The following SYNE4 variants were observed in gnomAD, a reference collection of about 807,000 sequenced individuals.
The protein encoded by SYNE4 is spectrin repeat containing nuclear envelope family member 4.
In SYNE4, 41 loss-of-function variants were observed where a neutral mutation model predicts 46.9. The ratio of observed to expected loss-of-function variants is 0.87; its 90% confidence interval spans 0.68 to 1.13. The LOEUF (loss-of-function observed/expected upper bound fraction) is 1.13. Ranked by LOEUF, SYNE4 falls within the 50% of genes most tolerant of loss-of-function variation. The pLI, the probability that SYNE4 is intolerant of heterozygous loss-of-function variation, is 0.00. For synonymous variants in SYNE4, 221 were observed against 219.5 expected (o/e 1.01, Z -0.06); for missense variants, 492 against 514.8 (o/e 0.96, Z 0.43).
intron 6 of SYNE4, among the ~76,000 whole-genome samples, chr19:36,004,783 C>G (rs1353842669): frequency 6.6e-6 from 1 of 151,796 alleles, no homozygotes; most frequent in Non-Finnish European, 1.5e-5. Flanking sequence ...ACTGGAGCAC[C>G]CATTTTGCTA....
At chr19:36,004,303 G>A (rs1233055893) in intron 6 of SYNE4, among the ~76,000 whole-genome samples, 1 of 152,204 alleles carries the variant, frequency 6.6e-6, no homozygotes, top group Non-Finnish European at 1.5e-5. Flanking sequence ...GATCACAGGC[G>A]TGAACCACGG....
chr19:36,008,283 G>T lies in SYNE4; in HGVS notation c.213C>A (p.Ala71=). The T allele has an allele frequency of 6.3e-7, 1 of 1,599,970 alleles. No individual in the cohort carries two copies. The highest frequency in any genetic ancestry group is 8.5e-7 in the Non-Finnish European group (1 of 1,172,716). ...GTGTTGACCATCTCGGGGGGTGAGC[G>T]GCAGGCTCATTGCCCCTTGGCCCAC... ...FQGGPRGNEP[A]AHPPRWSTPS... is the part of the protein sequence containing the mutation. Residue 71 remains alanine (A), a synonymous_variant, in exon 2 of 8, where the codon GCC becomes GCA. Coordinates refer to ENST00000324444, the MANE Select transcript of SYNE4 (RefSeq NM_001039876.3).
intron 2 of SYNE4, 51 bp from the exon 3 acceptor site, chr19:36,007,319 C>A: frequency 6.6e-7 from 1 of 1,514,656 alleles, no homozygotes; most frequent in Middle Eastern, 1.8e-4. Flanking sequence ...CAAGATATCA[C>A]CCCTGCTCCC....
chr19:36,008,337 G>T lies in SYNE4; in HGVS notation c.159C>A (p.Asp53Glu). 1 of 1,566,366 alleles carries T rather than the reference G, an allele frequency of 6.4e-7. No homozygotes were observed. Among genetic ancestry groups the T allele is most frequent in the Non-Finnish European group, 8.7e-7 (1 of 1,153,876 alleles). The change falls in exon 2 of 8, where the codon GAC becomes GAA. Residue 53 changes from aspartate to glutamate, a missense_variant. Physicochemically the swap from Asp to Glu is conservative, Grantham distance 45. Coordinates refer to ENST00000324444, the MANE Select transcript of SYNE4 (RefSeq NM_001039876.3). Reference protein sequence around the residue: ...SPEQAQTLGQDSLGPPEHFQG... With the variant: ...SPEQAQTLGQESLGPPEHFQG... ...GGAAGTGCTCAGGAGGGCCCAAGGA[G>T]TCCTGTCCCAGGGTCTGGGCCTGCT... is the stretch of plus-strand genomic sequence containing the variant.
chr19:36,005,075 C>T (rs568032961), intron 6 of SYNE4, among the ~76,000 whole-genome samples: 86 of 151,814 alleles, frequency 5.7e-4, no homozygotes, highest in African/African-American at 2.0e-3. Context: ...ACCATTTTGG[C>T]CAGGCTGGTC....
chr19:36,007,777 A>G (rs2145357675), intron 2 of SYNE4, among the ~76,000 whole-genome samples: 1 of 151,926 alleles, frequency 6.6e-6, no homozygotes, highest in East Asian at 1.9e-4. Context: ...TAATCCCAGC[A>G]CTTCGGGAGG....
Position 36,008,275 on chromosome 19 carries a change from G to A in SYNE4, c.221C>T (p.Pro74Leu). The A allele has an allele frequency of 6.2e-7, 1 of 1,604,346 alleles. No individual in the cohort carries two copies. The highest frequency in any genetic ancestry group is 1.1e-5 in the South Asian group (1 of 89,680). ...GGAAGAGGGTGTTGACCATCTCGGG[G>A]GGTGAGCGGCAGGCTCATTGCCCCT... is the stretch of plus-strand genomic sequence containing the variant. ...GPRGNEPAAH[P>L]PRWSTPSSYE... The change falls in exon 2 of 8, where the codon CCC (proline) becomes CTC (leucine). Residue 74 changes from proline (P) to leucine (L), a missense_variant. By Grantham distance (98) the Pro-to-Leu change is moderately conservative. Coordinates refer to ENST00000324444, the MANE Select transcript of SYNE4 (RefSeq NM_001039876.3).
Position 36,008,691 on chromosome 19 carries a change from C to A in SYNE4, c.-10G>T. On this transcript the variant is annotated 5_prime_UTR_variant, in exon 1 of 8. Coordinates refer to ENST00000324444, the MANE Select transcript of SYNE4 (RefSeq NM_001039876.3). ...GCAGGGACAGGGCCATGGCTGGGGGCCTGGGGACACAAAGTCAGGTGAGGG... is the reference window on the plus strand; with the variant it reads ...GCAGGGACAGGGCCATGGCTGGGGGACTGGGGACACAAAGTCAGGTGAGGG... 1 of 1,603,414 alleles carries A rather than the reference C, an allele frequency of 6.2e-7. No individual in the cohort carries two copies. Among genetic ancestry groups the A allele is most frequent in the Admixed American group, 1.7e-5 (1 of 57,796 alleles).
In SYNE4 at chr19:36,007,195, C is replaced by G. The variant is rs747777598; in HGVS notation, c.353G>C (p.Arg118Pro). The change falls in exon 3 of 8, where the codon CGC (arginine) becomes CCC (proline). Residue 118 changes from arginine (R) to proline (P), a missense_variant. Transcript: ENST00000324444. ...GCCTTGCTCCAGGTCCTGCAGCCGG[C>G]GGCCCAGCCCCAGCAGGCACAGGTG... ...SLHLCLLGLG[R>P]RLQDLEQGLG... 1 of 1,584,490 alleles carries G rather than the reference C, an allele frequency of 6.3e-7. No individual in the cohort carries two copies. Among genetic ancestry groups the G allele is most frequent in the Non-Finnish European group, 8.6e-7 (1 of 1,165,782 alleles).
At chr19:36,008,427 C>T in intron 1 of SYNE4, 60 bp from the exon 2 acceptor site, 1 of 1,572,168 alleles carries the variant, frequency 6.4e-7, no homozygotes, top group Non-Finnish European at 8.6e-7. Context: ...AGCCTACCGT[C>T]ACCCCAACCC....
Position 36,006,931 on chromosome 19 carries a change from T to A in SYNE4, c.437A>T (p.Asp146Val). The A allele has an allele frequency of 6.5e-7, 1 of 1,549,046 alleles. No homozygotes were observed. The highest frequency in any genetic ancestry group is 8.7e-7 in the Non-Finnish European group (1 of 1,146,354). Residue 146 changes from aspartate to valine, a missense_variant, in exon 4 of 8, where the codon GAC (aspartate) becomes GTC (valine). By Grantham distance (152) the Asp-to-Val change is radical. Transcript: ENST00000324444. ...CACACGCTCAGCTGCCCCTCGTAGG[T>A]CCACCTGGAGGGCCTGGGGACATAT... ...GMVQLQALQV[D>V]LRGAAERVEA...
Position 36,003,440 on chromosome 19 carries a change from A to G in SYNE4, c.1112T>C (p.Met371Thr), listed in dbSNP as rs1976741161. ...GCCTCCTGACGCGGGCAGGAGAAAC[A>G]TGGCACCCACCAGGAGGAGGAAGAG... ...FLLFLLLVGA[M>T]FLLPASGGPC... Residue 371 changes from methionine to threonine, a missense_variant, in exon 8 of 8, where the codon ATG becomes ACG. Met to Thr is a moderately conservative substitution (Grantham distance 81). Coordinates refer to ENST00000324444, the MANE Select transcript of SYNE4 (RefSeq NM_001039876.3). 10 of 1,613,646 alleles carry G rather than the reference A, an allele frequency of 6.2e-6. No homozygotes were observed. Among genetic ancestry groups the G allele is most frequent in the Middle Eastern group, 3.3e-4 (2 of 6,062 alleles).
chr19:36,003,810 C>T, intron 6 of SYNE4, 139 bp from the exon 7 acceptor site: 1 of 1,292,782 alleles, frequency 7.7e-7, no homozygotes. Context: ...ACCTCAGCCT[C>T]CCGGGTTCAA....
At position 36,004,866 on chromosome 19, in the gene SYNE4, CTTTTTT is replaced by C. The variant is rs59700541; in HGVS notation, c.972+461_972+466del. ...GAGCCCTGATGTTATTTCTTTCTTT[CTTTTTT>C]TTTTTTTTTTTTTTTTTTTTGTTGA... On this transcript the variant is annotated intron_variant, in intron 6 of 7. Coordinates refer to ENST00000324444, the MANE Select transcript of SYNE4 (RefSeq NM_001039876.3). Among the ~76,000 whole-genome samples the C allele has an allele frequency of 5.5e-3, 491 of 89,892 alleles. 1 individual carries two copies. Among genetic ancestry groups the C allele is most frequent in the Non-Finnish European group, 8.5e-3 (396 of 46,684 alleles). The allele number at this position is 89,892 out of a possible 152,430, so 59.0% of individuals were successfully genotyped here. A position where few individuals can be genotyped will look rare whatever the true frequency, so the allele number is the denominator to read the frequency against.
chr19:36,004,553 G>A (rs923518620), intron 6 of SYNE4, among the ~76,000 whole-genome samples: 1 of 152,186 alleles, frequency 6.6e-6, no homozygotes, highest in Non-Finnish European at 1.5e-5. Context: ...TCCACTCCCA[G>A]ACCTTCAGGT....
At chr19:36,007,665 C>A (rs1221166972) in intron 2 of SYNE4, 1 of 934,488 alleles carries the variant, frequency 1.1e-6, no homozygotes, top group Non-Finnish European at 1.3e-6. Context: ...TCACTTGAGC[C>A]CAGGAGTTCA....
chr19:36,003,904 T>C (rs1046858471), intron 6 of SYNE4: 3 of 176,004 alleles, frequency 1.7e-5, no homozygotes, highest in African/African-American at 7.2e-5. Context: ...TTAGTAGAGA[T>C]GGAGTTTCAC....
In SYNE4 at chr19:36,008,661, C is replaced by A; in HGVS notation, c.21G>T (p.Leu7=). 1 of 1,613,162 alleles carries A rather than the reference C, an allele frequency of 6.2e-7. No individual in the cohort carries two copies. Among genetic ancestry groups the A allele is most frequent in the Non-Finnish European group, 8.5e-7 (1 of 1,179,654 alleles). MALSLP[L]GPRLGSEPLN... The stretch of plus-strand genomic sequence containing the variant: ...GGGGCTCTGAGCCAAGTCTAGGGCC[C>A]AGAGGCAGGGACAGGGCCATGGCTG... The change falls in exon 1 of 8, where the codon CTG becomes CTT. Residue 7 remains leucine (L), a synonymous_variant. Coordinates refer to ENST00000324444, the MANE Select transcript of SYNE4 (RefSeq NM_001039876.3).
rs138787817 is a variant in SYNE4, at chr19:36,008,586, G to A, written c.96C>T (p.Thr32=). The A allele has an allele frequency of 1.0e-3, 1,639 of 1,613,952 alleles. 14 individuals carry two copies. The highest frequency in any genetic ancestry group is 4.5e-3 in the East Asian group (201 of 44,884). ...APREADIVGC[T]VCPASGEEST... is the part of the protein sequence containing the mutation. ...TCTCCTCTCCGGACGCGGGGCAGAC[G>A]GTGCATCCAACAATGTCCGCCTCTC... is the stretch of plus-strand genomic sequence containing the variant. Residue 32 remains threonine (T), a synonymous_variant, in exon 1 of 8, where the codon ACC becomes ACT. Transcript: ENST00000324444.
Sources: allele counts gnomAD v4.1 joint callset (sites outside exome capture counted in the v4.1 genomes callset), GRCh38; gene constraint gnomAD v4.1.1; transcripts MANE v1.5; gene names NCBI Gene and HGNC (gene_info 2026-07-23, HGNC 2026-07-21).